Variants in SLC44A3 observed in about 807,000 individuals in gnomAD.
The protein encoded by SLC44A3 is solute carrier family 44 member 3.
A neutral mutation model predicts 75.4 loss-of-function variants in SLC44A3; 74 were observed. The ratio of observed to expected loss-of-function variants is 0.98; its 90% CI spans 0.81 to 1.19. SLC44A3 has a LOEUF of 1.19. Among genes scored for constraint, SLC44A3 ranks in the 50% most tolerant of loss-of-function variants. The probability of loss-of-function intolerance (pLI) is 0.00; values close to 1 mark genes in which losing one functional copy is unlikely to be tolerated. For synonymous variants in SLC44A3, 310 were observed against 296.9 expected (o/e 1.04, Z -0.45); for missense variants, 700 against 778.6 (o/e 0.90, Z 1.20).
intron 12 of SLC44A3, among the ~76,000 whole-genome samples, chr1:94,874,703 CT>C (rs1668099484): frequency 6.6e-6 from 1 of 152,190 alleles, no homozygotes; most frequent in South Asian, 2.1e-4. Context: ...GTACCGGATA[CT>C]GTGCTACTTT....
At chr1:94,850,391 T>G (rs6688877) in intron 9 of SLC44A3, among the ~76,000 whole-genome samples, 2,015 of 152,234 alleles carry the variant, frequency 0.013, 43 homozygotes, top group African/African-American at 0.046. Context: ...ACCTCCAGTG[T>G]TCATTAAGGT....
chr1:94,820,536 C>A, intron 1 of SLC44A3, 58 bp downstream of exon 1: 1 of 1,474,460 alleles, frequency 6.8e-7, no homozygotes, highest in Non-Finnish European at 9.0e-7. Flanking sequence ...GTCGAGTCCC[C>A]CGCCTTCACG....
At chr1:94,891,379 G>C in intron 13 of SLC44A3, 112 bp downstream of exon 13, 1 of 1,124,644 alleles carries the variant, frequency 8.9e-7, no homozygotes, top group South Asian at 1.7e-5. Context: ...AGTGGGTGCT[G>C]TGCTTCATTA....
rs1670441613 is a variant in SLC44A3 at position 94,893,476 on chromosome 1, G to C, written c.1857+959G>C. Among the ~76,000 whole-genome samples, 3 of 151,978 alleles carry C rather than the reference G, an allele frequency of 2.0e-5. No homozygotes were observed. In the South Asian group the frequency reaches 6.2e-4, roughly 31 times the overall value. ...GCTCACCGCAACCTCCACCTCCTAG[G>C]TTCAAGCGATTCTCCTGCCTCAGCC... On this transcript the variant is annotated intron_variant, in intron 14 of 14. Transcript: ENST00000271227.
At chr1:94,885,606 A>G (rs1669500614) in intron 12 of SLC44A3, among the ~76,000 whole-genome samples, 6 of 152,196 alleles carry the variant, frequency 3.9e-5, no homozygotes, top group Admixed American at 3.9e-4. Flanking sequence ...AGCTCAAAGT[A>G]AAGTTTTCCA....
chr1:94,867,326 T>C lies in SLC44A3; in HGVS notation c.1396-5T>C. ...CTCTGTTCCTTTGTTCTCAACCTGA[T>C]CCAGCAGCATGGTGCATTGTCCAGG... On this transcript the variant is annotated splice_polypyrimidine_tract_variant and splice_region_variant and intron_variant, in intron 11 of 14. Coordinates refer to ENST00000271227, the MANE Select transcript of SLC44A3 (RefSeq NM_001114106.3). 6.3e-7 allele frequency: 1 copy of C among 1,576,128 alleles called. No individual in the cohort carries two copies. Among genetic ancestry groups the C allele is most frequent in the Non-Finnish European group, 8.6e-7 (1 of 1,157,524 alleles).
intron 14 of SLC44A3, 26 bp from the exon 15 acceptor site, chr1:94,894,792 T>G (rs533452272): frequency 1.3e-6 from 2 of 1,582,918 alleles, no homozygotes; most frequent in East Asian, 2.3e-5. Context: ...CATAATACTA[T>G]TCTAACTTGT....
rs765753136 is a variant in SLC44A3 at position 94,845,318 on chromosome 1, T to TA, written c.930dup (p.Leu311IlefsTer4). 1 of 1,613,502 alleles carries TA rather than the reference T, an allele frequency of 6.2e-7. No homozygotes were observed. The highest frequency in any genetic ancestry group is 8.5e-7 in the Non-Finnish European group (1 of 1,179,762). ...TTGATTTTTGTTCTCAGAAAGAGAA[T>TA]AAAATTGACAGTTGAGCTTTTCCAA... On this transcript the variant is annotated frameshift_variant, in exon 9 of 15. Transcript: ENST00000271227. LOFTEE classifies it high-confidence loss of function.
In SLC44A3 at chr1:94,857,434, G is replaced by A. The variant is rs754521478; in HGVS notation, c.1172G>A (p.Ser391Asn). The A allele has an allele frequency of 6.2e-7, 1 of 1,613,968 alleles. No individual in the cohort carries two copies. Residue 391 changes from serine to asparagine, a missense_variant, in exon 10 of 15, where the codon AGT becomes AAT. Ser to Asn is a conservative substitution (Grantham distance 46, BLOSUM62 1). Transcript: ENST00000271227. ...CATTTAATTGGCCTCATCTGGACTA[G>A]TGAATTCATCCTTGCGTGCCAGCAA... ...SYHLIGLIWT[S>N]EFILACQQMT...
At chr1:94,885,192 T>G in intron 12 of SLC44A3, among the ~76,000 whole-genome samples, 1 of 122,170 alleles carries the variant, frequency 8.2e-6, no homozygotes, top group African/African-American at 3.2e-5. Flanking sequence ...GCCATTGCAC[T>G]TTAGCCTGGG....
Position 94,840,022 on chromosome 1 carries a change from AT to A in SLC44A3, c.749del (p.Leu250TrpfsTer23). 1 of 1,613,254 alleles carries A rather than the reference AT, an allele frequency of 6.2e-7. No homozygotes were observed. Among genetic ancestry groups the A allele is most frequent in the Non-Finnish European group, 8.5e-7 (1 of 1,179,324 alleles). On this transcript the variant is annotated frameshift_variant, in exon 7 of 15. Coordinates refer to ENST00000271227, the MANE Select transcript of SLC44A3 (RefSeq NM_001114106.3). LOFTEE classifies it high-confidence loss of function. ...GGTTCACATTTTCATTTCATTGGTT[AT>A]TTTGGGATTGTTGTGTAAGTATTTC... ...LLVHIFISLV[I>X]LGLLFVCGVL...
chr1:94,839,039 C>T (rs545457591), intron 6 of SLC44A3: 1 of 152,308 alleles, frequency 6.6e-6, no homozygotes. Context: ...CAGTGTTGCA[C>T]ACCTAGGAGA....
intron 12 of SLC44A3, among the ~76,000 whole-genome samples, chr1:94,871,807 T>TA (rs1667793072): frequency 1.3e-5 from 2 of 152,288 alleles, no homozygotes; most frequent in South Asian, 4.1e-4. Context: ...ATCAATAAAG[T>TA]AAAGCGTGTG....
At chr1:94,836,474 C>T (rs1662805755) in intron 5 of SLC44A3, among the ~76,000 whole-genome samples, 1 of 152,224 alleles carries the variant, frequency 6.6e-6, no homozygotes, top group Admixed American at 6.5e-5. Context: ...CATATGCCTT[C>T]CTAAACAGGA....
intron 12 of SLC44A3, among the ~76,000 whole-genome samples, chr1:94,875,107 T>C (rs114290228): frequency 0.011 from 1,603 of 152,272 alleles, 22 homozygotes; most frequent in African/African-American, 0.037. Context: ...GAAAGGATGT[T>C]CCTGGTGACA....
chr1:94,847,011 T>A (rs571140863), intron 9 of SLC44A3, among the ~76,000 whole-genome samples: 1 of 152,208 alleles, frequency 6.6e-6, no homozygotes, highest in Non-Finnish European at 1.5e-5. Context: ...CAGAGGTGCA[T>A]AGGGGCAGTC....
chr1:94,871,801 ATAAAG>A (rs1160751634), intron 12 of SLC44A3, among the ~76,000 whole-genome samples: 38 of 152,238 alleles, frequency 2.5e-4, no homozygotes, highest in African/African-American at 8.7e-4. Flanking sequence ...TTGCCAATCA[ATAAAG>A]TAAAGCGTGT....
chr1:94,857,120 A>G (rs1285031837), intron 9 of SLC44A3, among the ~76,000 whole-genome samples: 1 of 152,182 alleles, frequency 6.6e-6, no homozygotes, highest in African/African-American at 2.4e-5. Context: ...TTGCCTACCA[A>G]TGGTCACTGT....
chr1:94,827,401 G>T, intron 3 of SLC44A3, 106 bp from the exon 4 acceptor site: 1 of 1,385,132 alleles, frequency 7.2e-7, no homozygotes, highest in Non-Finnish European at 1.0e-6. Context: ...AAGTGTGCCT[G>T]GGTGATCCCT....
Sources: gnomAD v4.1 joint callset for allele counts (sites outside exome capture counted in the v4.1 genomes callset) on GRCh38, gnomAD v4.1.1 for gene constraint, MANE v1.5 for transcripts, NCBI Gene and HGNC (gene_info 2026-07-23, HGNC 2026-07-21) for gene names.